The following CSMD1 variants were observed in gnomAD, a reference collection of about 807,000 sequenced individuals.
CSMD1 encodes CUB and sushi domain-containing protein 1.
CSMD1 carries 213 observed loss-of-function variants against 417.5 expected under a neutral mutation model. The observed-to-expected ratio is 0.51, with a 90% CI of 0.46 to 0.57. The LOEUF is 0.57. Ranked by LOEUF, CSMD1 falls within the 20% of genes least tolerant of loss-of-function variation. CSMD1 has a pLI of 0.00. For synonymous variants in CSMD1, 2,862 were observed against 1,736.8 expected, an observed-to-expected ratio of 1.65 and a Z score of -16.11; for missense variants, 6,923 against 4,529.7, an observed-to-expected ratio of 1.53 and a Z score of -15.17.
At chr8:3,241,047 T>C (rs779616664) in intron 26 of CSMD1, among the ~76,000 whole-genome samples, 6 of 148,344 alleles carry the variant, frequency 4.0e-5, no homozygotes, top group South Asian at 2.2e-4. Context: ...TAGAGGTATC[T>C]CATACTTGTG....
At chr8:3,366,950 ACACACACC>A in intron 20 of CSMD1, 74 bp downstream of exon 20, 3 of 1,062,766 alleles carry the variant, frequency 2.8e-6, no homozygotes, top group Non-Finnish European at 4.3e-6. Context: ...TTACACACAC[ACACACACC>A]CACACACATT....
chr8:3,176,669 C>T (rs906396039), intron 37 of CSMD1, among the ~76,000 whole-genome samples: 6 of 152,140 alleles, frequency 3.9e-5, no homozygotes, highest in African/African-American at 1.2e-4. Flanking sequence ...ACTTTAACAA[C>T]GTAAAAATAC....
chr8:3,850,565 C>A (rs1324647114), intron 5 of CSMD1, among the ~76,000 whole-genome samples: 1 of 152,188 alleles, frequency 6.6e-6, no homozygotes, highest in East Asian at 1.9e-4. Flanking sequence ...CATGATGGCT[C>A]TCACCTGTTT....
chr8:4,574,288 C>T (rs936487410), intron 2 of CSMD1, among the ~76,000 whole-genome samples: 4 of 152,184 alleles, frequency 2.6e-5, no homozygotes, highest in African/African-American at 9.7e-5. Context: ...TTGTTGGATG[C>T]AGAAACTGTG....
intron 25 of CSMD1, among the ~76,000 whole-genome samples, chr8:3,284,827 C>G (rs1021000177): frequency 6.6e-6 from 1 of 152,208 alleles, no homozygotes; most frequent in Admixed American, 6.5e-5. Flanking sequence ...CTACCTGTGT[C>G]TGAATGGTCT....
At chr8:4,826,283 A>C (rs546813344) in intron 1 of CSMD1, among the ~76,000 whole-genome samples, 77 of 152,174 alleles carry the variant, frequency 5.1e-4, no homozygotes, top group African/African-American at 1.7e-3. Context: ...ACATATACAC[A>C]CATACGTATA....
intron 1 of CSMD1, among the ~76,000 whole-genome samples, chr8:4,681,142 G>C (rs771854094): frequency 6.6e-6 from 1 of 152,104 alleles, no homozygotes; most frequent in Non-Finnish European, 1.5e-5. Flanking sequence ...TTTTGACATA[G>C]GCATGAATGG....
intron 1 of CSMD1, among the ~76,000 whole-genome samples, chr8:4,719,142 T>C (rs1808882608): frequency 6.6e-6 from 1 of 152,072 alleles, no homozygotes; most frequent in Admixed American, 6.6e-5. Flanking sequence ...CTAAAGACAA[T>C]GATGGCCTGG....
intron 2 of CSMD1, among the ~76,000 whole-genome samples, chr8:4,426,777 AGAT>A (rs201017040): frequency 0.022 from 3,272 of 148,436 alleles, 53 homozygotes; most frequent in Non-Finnish European, 0.035. Context: ...ATTACAATAC[AGAT>A]GATATTATAT....
At chr8:3,257,968 C>T (rs565944686) in intron 26 of CSMD1, among the ~76,000 whole-genome samples, 9 of 152,058 alleles carry the variant, frequency 5.9e-5, no homozygotes, top group South Asian at 4.2e-4. Flanking sequence ...ATGGAGAGGC[C>T]GTGAGACCAG....
rs529855205 is a variant in CSMD1, at chr8:3,939,009, C to T, written c.818+58894G>A. Among the ~76,000 whole-genome samples the T allele has an allele frequency of 3.8e-3, 578 of 152,112 alleles. 1 individual carries two copies. Among genetic ancestry groups the T allele is most frequent in the Non-Finnish European group, 5.4e-3 (370 of 67,958 alleles). On this transcript the variant is annotated intron_variant, in intron 5 of 69. Coordinates refer to ENST00000635120, the MANE Select transcript of CSMD1 (RefSeq NM_033225.6). ...TGGAATGGGGTGGGGTAGAATATTA[C>T]ATGTATAGTGAAATGGATTTTTATT...
intron 7 of CSMD1, among the ~76,000 whole-genome samples, chr8:3,649,560 G>C (rs755041822): frequency 2.6e-5 from 4 of 152,154 alleles, no homozygotes; most frequent in Non-Finnish European, 5.9e-5. Flanking sequence ...GGAAGGAGAA[G>C]TGCTGTGCAA....
intron 3 of CSMD1, among the ~76,000 whole-genome samples, chr8:4,187,535 T>C (rs997857264): frequency 6.6e-6 from 1 of 151,996 alleles, no homozygotes; most frequent in Non-Finnish European, 1.5e-5. Flanking sequence ...TCCCAGCTAC[T>C]TGGGAGACTC....
intron 26 of CSMD1, among the ~76,000 whole-genome samples, chr8:3,236,766 C>G (rs1413100207): frequency 6.6e-6 from 1 of 152,104 alleles, no homozygotes; most frequent in Non-Finnish European, 1.5e-5. Flanking sequence ...GGATTTTTTG[C>G]TGACTCTGAA....
chr8:3,503,748 C>T (rs1250743162), intron 10 of CSMD1, among the ~76,000 whole-genome samples: 1 of 152,298 alleles, frequency 6.6e-6, no homozygotes, highest in Non-Finnish European at 1.5e-5. Flanking sequence ...TTAGTTTTCC[C>T]TGTCTCAGCC....
chr8:4,376,565 G>C (rs139734057), intron 3 of CSMD1, among the ~76,000 whole-genome samples: 1 of 152,056 alleles, frequency 6.6e-6, no homozygotes, highest in Non-Finnish European at 1.5e-5. Context: ...ATATTTGCCT[G>C]TTTGTTGTTG....
At chr8:4,010,523 A>C (rs1816463141) in intron 4 of CSMD1, among the ~76,000 whole-genome samples, 2 of 151,986 alleles carry the variant, frequency 1.3e-5, no homozygotes, top group South Asian at 2.1e-4. Context: ...TGCCATCACC[A>C]TTCCCATCAT....
intron 1 of CSMD1, among the ~76,000 whole-genome samples, chr8:4,655,969 G>C (rs903504001): frequency 1.3e-5 from 2 of 152,254 alleles, no homozygotes; most frequent in East Asian, 1.9e-4. Flanking sequence ...TTCCATGTTA[G>C]TGCAGAGGGT....
intron 1 of CSMD1, among the ~76,000 whole-genome samples, chr8:4,766,531 A>G (rs1161917940): frequency 1.3e-5 from 2 of 152,364 alleles, no homozygotes; most frequent in African/African-American, 2.4e-5. Context: ...ACTGCATTGC[A>G]TTGTCAGGAT....
Sources: gnomAD v4.1 joint callset for allele counts (sites outside exome capture counted in the v4.1 genomes callset) on GRCh38, gnomAD v4.1.1 for gene constraint, MANE v1.5 for transcripts, NCBI Gene and HGNC (gene_info 2026-07-23, HGNC 2026-07-21) for gene names.